The following PTPRD variants were observed in gnomAD, a reference collection of about 807,000 sequenced individuals.
PTPRD encodes the protein protein tyrosine phosphatase receptor type D, also known as receptor-type tyrosine-protein phosphatase delta.
In PTPRD, 34 loss-of-function variants were observed where a neutral mutation model predicts 214.5. The observed-to-expected ratio is 0.16, with a 90% confidence interval of 0.12 to 0.21. The LOEUF is 0.21. Ranked by LOEUF, PTPRD falls within the 10% of genes least tolerant of loss-of-function variation. PTPRD has a pLI of 1.00. For missense variants in PTPRD, 2,545 were observed against 2,398.7 expected (o/e 1.06, Z -1.27); for synonymous variants, 1,128 against 845.7 (o/e 1.33, Z -5.79).
In PTPRD at chr9:8,606,352, G is replaced by A. The variant is rs116373203; in HGVS notation, c.352+26965C>T. Among the ~76,000 whole-genome samples, 1,267 of 152,206 alleles carry A rather than the reference G, an allele frequency of 8.3e-3. 19 individuals carry two copies. The highest frequency in any genetic ancestry group is 0.028 in the African/African-American group (1,175 of 41,536). ...AGATCACAGTCTAGTCCTTTCATGT[G>A]GGGAAGAAAAGCCAAGAGAAGGAAA... On this transcript the variant is annotated intron_variant, in intron 14 of 45. Coordinates refer to ENST00000381196, the MANE Select transcript of PTPRD (RefSeq NM_002839.4).
At position 10,205,424 on chromosome 9, in the gene PTPRD, G is replaced by A. The variant is rs528691951; in HGVS notation, c.-545+135539C>T. The stretch of plus-strand genomic sequence containing the variant: ...TTATTTTATTTTACTCTATTTTCCT[G>A]AGACAGAGTCTTACTCTGTTGCCCA... On this transcript the variant is annotated intron_variant, in intron 3 of 45. Transcript: ENST00000381196. Among the ~76,000 whole-genome samples, 9 of 149,244 alleles carry A rather than the reference G, an allele frequency of 6.0e-5. No individual in the cohort carries two copies. In the East Asian group the frequency reaches 1.4e-3, roughly 23 times the overall value.
chr9:8,884,847 G>T (rs1276918711), intron 11 of PTPRD, among the ~76,000 whole-genome samples: 1 of 152,116 alleles, frequency 6.6e-6, no homozygotes, highest in Non-Finnish European at 1.5e-5. Flanking sequence ...CTATGTGTTG[G>T]GCTTGCTGTG....
intron 8 of PTPRD, among the ~76,000 whole-genome samples, chr9:9,470,848 G>C (rs1352373287): frequency 3.3e-5 from 5 of 152,136 alleles, no homozygotes; most frequent in African/African-American, 1.2e-4. Context: ...AGTTCATATG[G>C]GGAGGTTTAA....
At chr9:9,074,171 A>G (rs965123426) in intron 10 of PTPRD, among the ~76,000 whole-genome samples, 1 of 152,192 alleles carries the variant, frequency 6.6e-6, no homozygotes, top group African/African-American at 2.4e-5. Flanking sequence ...TTATTTTGAC[A>G]GTGAAATGAT....
chr9:8,373,741 G>C (rs114547221), intron 39 of PTPRD, among the ~76,000 whole-genome samples: 1 of 150,692 alleles, frequency 6.6e-6, no homozygotes, highest in East Asian at 2.0e-4. Context: ...TATCTGTCAC[G>C]GTGCCTAGCA....
Position 10,268,312 on chromosome 9 carries a change from AAT to A in PTPRD, c.-545+72649_-545+72650del, listed in dbSNP as rs2094208927. On this transcript the variant is annotated intron_variant, in intron 3 of 45. Coordinates refer to ENST00000381196, the MANE Select transcript of PTPRD (RefSeq NM_002839.4). ...TGCTATAAATAATAATAATAATAAT[AAT>A]AATAACGATAATAATAATAATAGTG... is the stretch of plus-strand genomic sequence containing the variant. 2.7e-5 allele frequency among the ~76,000 whole-genome samples: 4 copies of A among 149,484 alleles called. No homozygotes were observed. The South Asian group carries it at 8.4e-4, about 31-fold the overall frequency.
At chr9:9,648,352 G>C (rs997243432) in intron 7 of PTPRD, among the ~76,000 whole-genome samples, 1 of 152,092 alleles carries the variant, frequency 6.6e-6, no homozygotes, top group Non-Finnish European at 1.5e-5. Context: ...TCCAACTCTA[G>C]GGTAATCTGA....
chr9:8,618,808 T>C (rs890147128), intron 14 of PTPRD, among the ~76,000 whole-genome samples: 1 of 151,638 alleles, frequency 6.6e-6, no homozygotes, highest in African/African-American at 2.4e-5. Context: ...GTGATTTTCC[T>C]GCCTCAGCCT....
chr9:8,826,239 GCCTT>G (rs950690997), intron 11 of PTPRD, among the ~76,000 whole-genome samples: 5 of 147,870 alleles, frequency 3.4e-5, no homozygotes, highest in African/African-American at 1.3e-4. Context: ...TTCCTAAATG[GCCTT>G]CCTATTTCTA....
chr9:10,575,116 A>T (rs984715777), intron 2 of PTPRD, among the ~76,000 whole-genome samples: 1 of 151,940 alleles, frequency 6.6e-6, no homozygotes, highest in Admixed American at 6.6e-5. Context: ...ATCACTGGCT[A>T]TTTTCACTTG....
At chr9:8,570,480 G>C (rs1000475552) in intron 14 of PTPRD, among the ~76,000 whole-genome samples, 1 of 152,050 alleles carries the variant, frequency 6.6e-6, no homozygotes, top group African/African-American at 2.4e-5. Context: ...ACAAGAAAGG[G>C]AAAACACTAG....
At chr9:10,459,405 G>T (rs1323462261) in intron 2 of PTPRD, among the ~76,000 whole-genome samples, 2 of 151,936 alleles carry the variant, frequency 1.3e-5, no homozygotes, top group Non-Finnish European at 2.9e-5. Flanking sequence ...TAATCCTTTG[G>T]GTATATACCC....
chr9:9,519,689 T>C (rs2096919879), intron 8 of PTPRD, among the ~76,000 whole-genome samples: 1 of 151,876 alleles, frequency 6.6e-6, no homozygotes, highest in South Asian at 2.1e-4. Flanking sequence ...AAACACATAT[T>C]GACAGGAATG....
At chr9:8,487,754 G>A (rs1023197486) in intron 27 of PTPRD, among the ~76,000 whole-genome samples, 17 of 152,164 alleles carry the variant, frequency 1.1e-4, no homozygotes, top group African/African-American at 4.1e-4. Flanking sequence ...AGGTTGCAGT[G>A]AGCCGAGATC....
chr9:8,836,385 ACTC>A (rs1208282690), intron 11 of PTPRD, among the ~76,000 whole-genome samples: 1 of 151,902 alleles, frequency 6.6e-6, no homozygotes, highest in Non-Finnish European at 1.5e-5. Flanking sequence ...GAAAAACAAT[ACTC>A]TTCTTGGATT....
rs2097763711 is a variant in PTPRD, at chr9:10,060,909, TTTCTTTC to T, written c.-544-27126_-544-27120del. Among the ~76,000 whole-genome samples, 4 of 100,848 alleles carry T rather than the reference TTTCTTTC, an allele frequency of 4.0e-5. 1 individual carries two copies. The highest frequency in any genetic ancestry group is 3.2e-4 in the African/African-American group (4 of 12,502). The allele number at this position is 100,848 out of a possible 152,430, so 66.2% of individuals were successfully genotyped here. A position where few individuals can be genotyped will look rare whatever the true frequency, so the allele number is the denominator to read the frequency against. ...CCTTCCTTCCTTCCTTCTTTCTTTC[TTTCTTTC>T]TTTCTTTCTTTCTTTCTTTCTTTCT... On this transcript the variant is annotated intron_variant, in intron 3 of 45. Transcript: ENST00000381196.
At chr9:10,454,137 C>T (rs1449602862) in intron 2 of PTPRD, among the ~76,000 whole-genome samples, 1 of 151,594 alleles carries the variant, frequency 6.6e-6, no homozygotes, top group Admixed American at 6.6e-5. Flanking sequence ...ACCTACTAAA[C>T]TGTAATCAAC....
intron 7 of PTPRD, among the ~76,000 whole-genome samples, chr9:9,717,214 C>T (rs530480969): frequency 2.8e-4 from 43 of 152,268 alleles, no homozygotes; most frequent in Admixed American, 6.5e-4. Flanking sequence ...ATCTATATCT[C>T]TGTTTTGGTA....
At chr9:8,828,445 A>G (rs985207055) in intron 11 of PTPRD, among the ~76,000 whole-genome samples, 9 of 152,194 alleles carry the variant, frequency 5.9e-5, no homozygotes, top group Admixed American at 1.3e-4. Flanking sequence ...AAAAGACCCC[A>G]AACAGGAACC....
Sources: allele counts gnomAD v4.1 joint callset (sites outside exome capture counted in the v4.1 genomes callset), GRCh38; gene constraint gnomAD v4.1.1; transcripts MANE v1.5; gene names NCBI Gene and HGNC (gene_info 2026-07-23, HGNC 2026-07-21).